The following TOGARAM2 variants were observed in gnomAD, a reference collection of about 807,000 sequenced individuals.
TOGARAM2 encodes the protein TOG array regulator of axonemal microtubules 2.
Under a neutral mutation model 93.3 loss-of-function variants are expected in TOGARAM2, and 85 were observed. The ratio of observed to expected loss-of-function variants is 0.91; its 90% CI spans 0.76 to 1.09. The LOEUF is 1.09. TOGARAM2 is among the 50% of genes least tolerant of loss of function. The pLI is 0.00. For synonymous variants in TOGARAM2, 593 were observed against 552.8 expected, an observed-to-expected ratio of 1.07 and a Z score of -1.02; for missense variants, 1,277 against 1,334.5, an observed-to-expected ratio of 0.96 and a Z score of 0.67.
At chr2:28,966,353 A>G (rs1226379498) in intron 1 of TOGARAM2, among the ~76,000 whole-genome samples, 3 of 152,082 alleles carry the variant, frequency 2.0e-5, no homozygotes, top group African/African-American at 2.4e-5. Context: ...GCTGGAGTTC[A>G]GTGGTGTGAT....
At chr2:28,957,096 C>G (rs145033053) in intron 1 of TOGARAM2, among the ~76,000 whole-genome samples, 28 of 152,000 alleles carry the variant, frequency 1.8e-4, no homozygotes, top group African/African-American at 5.3e-4. Context: ...AAGAGGGAGA[C>G]TTTGTCTCAA....
chr2:29,026,722 G>A (rs1665395937), intron 13 of TOGARAM2, 131 bp from the exon 14 acceptor site: 2 of 998,666 alleles, frequency 2.0e-6, no homozygotes, highest in African/African-American at 1.7e-5. Flanking sequence ...CAGCTCACAT[G>A]GGGACAGGTA....
At chr2:29,049,640 C>T (rs944133560) in intron 19 of TOGARAM2, 14 of 152,240 alleles carry the variant, frequency 9.2e-5, no homozygotes, top group African/African-American at 3.4e-4. Flanking sequence ...TCTTCCTACT[C>T]AGCCTGTTTC....
At chr2:29,030,263 G>A (rs188967968) in intron 14 of TOGARAM2, among the ~76,000 whole-genome samples, 5 of 152,290 alleles carry the variant, frequency 3.3e-5, no homozygotes, top group African/African-American at 1.2e-4. Flanking sequence ...GCAACAGGGT[G>A]AGACCCTGTC....
chr2:28,957,457 A>G (rs1210706185), intron 1 of TOGARAM2, among the ~76,000 whole-genome samples: 1 of 152,226 alleles, frequency 6.6e-6, no homozygotes, highest in African/African-American at 2.4e-5. Context: ...CTGGAATTAC[A>G]GGCATAAGCC....
At chr2:28,987,049 C>T (rs1376818459) in intron 1 of TOGARAM2, among the ~76,000 whole-genome samples, 2 of 152,164 alleles carry the variant, frequency 1.3e-5, no homozygotes, top group Non-Finnish European at 2.9e-5. Context: ...CCATCAGCCC[C>T]GACTCTTCTA....
At chr2:28,983,587 T>C (rs1672330026) in intron 1 of TOGARAM2, among the ~76,000 whole-genome samples, 1 of 152,190 alleles carries the variant, frequency 6.6e-6, no homozygotes, top group South Asian at 2.1e-4. Context: ...TTCCAGATTT[T>C]GGCCATTATC....
At chr2:29,014,711 A>G (rs574886385) in intron 8 of TOGARAM2, 150 bp downstream of exon 8, 1 of 979,934 alleles carries the variant, frequency 1.0e-6, no homozygotes, top group African/African-American at 1.6e-5. Context: ...ACTAAAGGCC[A>G]GAACCTGCAG....
At chr2:29,020,128 T>A (rs185775277) in intron 10 of TOGARAM2, among the ~76,000 whole-genome samples, 20 of 152,308 alleles carry the variant, frequency 1.3e-4, no homozygotes, top group Non-Finnish European at 1.0e-4. Flanking sequence ...TCTAAGCTGA[T>A]CCCGACTGGC....
chr2:29,025,188 T>A (rs13008328), intron 13 of TOGARAM2, among the ~76,000 whole-genome samples: 45,076 of 151,818 alleles, frequency 0.3, 6,785 homozygotes, highest in Middle Eastern at 0.35. Flanking sequence ...ATTGCCTGGG[T>A]TCACATCCTG....
intron 6 of TOGARAM2, among the ~76,000 whole-genome samples, chr2:29,004,428 C>A (rs544191948): frequency 6.6e-5 from 10 of 152,204 alleles, no homozygotes; most frequent in East Asian, 1.9e-4. Flanking sequence ...GAAAAGGGGT[C>A]TTCATATCCC....
At chr2:29,033,911 C>T (rs966575331) in intron 16 of TOGARAM2, among the ~76,000 whole-genome samples, 2 of 152,102 alleles carry the variant, frequency 1.3e-5, no homozygotes, top group Admixed American at 1.3e-4. Context: ...ACCAGAGTGG[C>T]CAGCCTGGGA....
At position 29,007,212 on chromosome 2, in the gene TOGARAM2, C is replaced by T. The variant is rs1443597035; in HGVS notation, c.830+3530C>T. ...CCTGGAACCATCCACAGGTCAGGCT[C>T]CGGGTTTCCATCTTTCTGTTGGGCA... is the stretch of plus-strand genomic sequence containing the variant. On this transcript the variant is annotated intron_variant, in intron 6 of 19. Transcript: ENST00000379558. Among the ~76,000 whole-genome samples the T allele has an allele frequency of 2.0e-5, 3 of 152,276 alleles. No individual in the cohort carries two copies. The South Asian group carries it at 6.2e-4, about 32-fold the overall frequency.
intron 1 of TOGARAM2, among the ~76,000 whole-genome samples, chr2:28,991,644 G>A (rs1474608180): frequency 2.0e-5 from 3 of 152,214 alleles, no homozygotes; most frequent in Admixed American, 2.0e-4. Context: ...AGTCTGCCCA[G>A]CTCCTTGGGA....
intron 1 of TOGARAM2, among the ~76,000 whole-genome samples, chr2:28,991,102 G>T (rs1289594738): frequency 6.6e-6 from 1 of 151,362 alleles, no homozygotes; most frequent in Non-Finnish European, 1.5e-5. Context: ...ATTACTATAT[G>T]CCGGCAATAG....
At chr2:29,013,549 C>A (rs553063006) in intron 7 of TOGARAM2, among the ~76,000 whole-genome samples, 1 of 152,178 alleles carries the variant, frequency 6.6e-6, no homozygotes, top group African/African-American at 2.4e-5. Flanking sequence ...CCCTGGCAAG[C>A]CACTGGTGCA....
chr2:29,024,274 A>G lies in TOGARAM2; in HGVS notation c.1753A>G (p.Asn585Asp), dbSNP rs756478810. 1.9e-6 allele frequency: 3 copies of G among 1,613,286 alleles called. No homozygotes were observed. Among genetic ancestry groups the G allele is most frequent in the East Asian group, 2.2e-5 (1 of 44,856 alleles). The change falls in exon 13 of 20, where the codon AAC becomes GAC. Residue 585 changes from asparagine to aspartate, a missense_variant. Asn to Asp is a conservative substitution (Grantham distance 23). Transcript: ENST00000379558. ...CTTGCTGCAGAAGATGGCGGACACC[A>G]ACGAGTTCATCCAGAGAGCAGCCGG... The part of the protein sequence containing the change: ...RCLLQKMADT[N>D]EFIQRAAGQS...
At chr2:29,027,951 T>C (rs896611875) in intron 14 of TOGARAM2, among the ~76,000 whole-genome samples, 1 of 152,164 alleles carries the variant, frequency 6.6e-6, no homozygotes, top group East Asian at 1.9e-4. Flanking sequence ...AGAGACGTTC[T>C]CCTAGGCCAA....
chr2:29,021,642 C>G (rs1664952175), intron 10 of TOGARAM2, among the ~76,000 whole-genome samples: 1 of 152,196 alleles, frequency 6.6e-6, no homozygotes, highest in African/African-American at 2.4e-5. Flanking sequence ...TTGTCTTCCT[C>G]TAGCCATCTG....
Sources: allele counts gnomAD v4.1 joint callset (sites outside exome capture counted in the v4.1 genomes callset), GRCh38; gene constraint gnomAD v4.1.1; transcripts MANE v1.5; gene names NCBI Gene and HGNC (gene_info 2026-07-23, HGNC 2026-07-21).